NFIA: variants seen among roughly 807,000 people sequenced by gnomAD.
The protein encoded by NFIA is nuclear factor I A.
Under a neutral mutation model 62.8 loss-of-function variants are expected in NFIA, and 8 were observed. The observed-to-expected ratio is 0.13, with a 90% CI of 0.07 to 0.23. The LOEUF is 0.23. Among genes scored for constraint, NFIA ranks in the 10% least tolerant of loss-of-function variants. The pLI, the probability that NFIA is intolerant of heterozygous loss-of-function variation, is 1.00. For missense variants in NFIA, 410 were observed against 642.1 expected (o/e 0.64, Z 3.91); for synonymous variants, 235 against 238.1 (o/e 0.99, Z 0.12).
chr1:61,204,384 A>G (rs940303780), intron 2 of NFIA, among the ~76,000 whole-genome samples: 1 of 152,258 alleles, frequency 6.6e-6, no homozygotes, highest in Admixed American at 6.5e-5. Flanking sequence ...TCTATAGAAT[A>G]TCTCATCCAT....
chr1:61,416,787 G>A (rs947229504), intron 9 of NFIA, among the ~76,000 whole-genome samples: 14 of 152,152 alleles, frequency 9.2e-5, no homozygotes, highest in East Asian at 1.9e-4. Context: ...AAGATGAAAC[G>A]GAGCAAAGGT....
rs147954656 is a variant in NFIA, at chr1:61,214,405, T to C, written c.560-63115T>C. Among the ~76,000 whole-genome samples the C allele has an allele frequency of 3.4e-4, 51 of 151,930 alleles. No homozygotes were observed. The East Asian group carries it at 4.7e-3, about 14-fold the overall frequency. On this transcript the variant is annotated intron_variant, in intron 2 of 10. Transcript: ENST00000403491. The stretch of plus-strand genomic sequence containing the variant: ...GAATCTCAATGATGGGAATTGGGAG[T>C]AGAAGGCAGAGAGTGGTGCTTGGCT...
chr1:61,375,065 A>C (rs1032421563), intron 6 of NFIA, among the ~76,000 whole-genome samples: 1 of 152,160 alleles, frequency 6.6e-6, no homozygotes, highest in African/African-American at 2.4e-5. Context: ...TAACCGTGGG[A>C]TTCTTCTGTT....
intron 2 of NFIA, among the ~76,000 whole-genome samples, chr1:61,110,957 G>A (rs1475977734): frequency 6.6e-6 from 1 of 152,092 alleles, no homozygotes; most frequent in Non-Finnish European, 1.5e-5. Flanking sequence ...AAACTTACAA[G>A]TTTGCAATCA....
intron 2 of NFIA, among the ~76,000 whole-genome samples, chr1:61,267,150 A>G (rs1267155261): frequency 2.0e-5 from 3 of 152,224 alleles, no homozygotes; most frequent in Non-Finnish European, 2.9e-5. Context: ...CTAATTCAGA[A>G]TAACATTCTG....
chr1:61,222,920 A>G (rs1389709596), intron 2 of NFIA, among the ~76,000 whole-genome samples: 1 of 152,040 alleles, frequency 6.6e-6, no homozygotes, highest in Non-Finnish European at 1.5e-5. Context: ...GGCTATACAA[A>G]TGTTTTTTCT....
chr1:61,354,357 G>A (rs1662714768), intron 5 of NFIA, among the ~76,000 whole-genome samples: 1 of 152,140 alleles, frequency 6.6e-6, no homozygotes, highest in South Asian at 2.1e-4. Context: ...GTTAGAAAGT[G>A]TGCCCAGAAG....
chr1:61,395,542 A>G (rs1394774025), intron 7 of NFIA, among the ~76,000 whole-genome samples: 1 of 151,988 alleles, frequency 6.6e-6, no homozygotes, highest in Non-Finnish European at 1.5e-5. Flanking sequence ...TTCATTCTTC[A>G]TTTAGTCTCA....
intron 2 of NFIA, among the ~76,000 whole-genome samples, chr1:61,230,402 A>G (rs1221093240): frequency 1.3e-5 from 2 of 152,198 alleles, no homozygotes; most frequent in Non-Finnish European, 2.9e-5. Flanking sequence ...ATTTCTGTCA[A>G]ATCATAACCT....
intron 3 of NFIA, among the ~76,000 whole-genome samples, chr1:61,306,511 G>A (rs546561871): frequency 2.0e-5 from 3 of 152,052 alleles, no homozygotes; most frequent in African/African-American, 7.2e-5. Context: ...CCTGACCTCA[G>A]ATGATCCACC....
chr1:61,306,294 T>TTA (rs748026405), intron 3 of NFIA, among the ~76,000 whole-genome samples: 3 of 109,704 alleles, frequency 2.7e-5, no homozygotes, highest in African/African-American at 7.2e-5. Context: ...TTTTTTTTTT[T>TTA]AAGACAGAGT....
intron 10 of NFIA, among the ~76,000 whole-genome samples, chr1:61,432,868 C>T (rs1012749487): frequency 6.6e-6 from 1 of 152,012 alleles, no homozygotes; most frequent in Non-Finnish European, 1.5e-5. Flanking sequence ...CTACAGCACC[C>T]GTGCATGCTA....
intron 10 of NFIA, among the ~76,000 whole-genome samples, chr1:61,441,901 G>A (rs1484979519): frequency 2.7e-5 from 4 of 150,080 alleles, no homozygotes; most frequent in African/African-American, 7.4e-5. Flanking sequence ...CCCTGTTAAC[G>A]TCATTGTTCC....
chr1:61,408,556 A>C (rs542348730), intron 9 of NFIA, among the ~76,000 whole-genome samples: 1 of 152,322 alleles, frequency 6.6e-6, no homozygotes, highest in African/African-American at 2.4e-5. Flanking sequence ...ACATTGCCAC[A>C]GTCTTTTAAA....
chr1:61,274,360 T>C (rs1231866205), intron 2 of NFIA, among the ~76,000 whole-genome samples: 1 of 152,176 alleles, frequency 6.6e-6, no homozygotes, highest in African/African-American at 2.4e-5. Flanking sequence ...AAAAAGCAAA[T>C]CCCTAGATAG....
chr1:61,326,651 C>T lies in NFIA; in HGVS notation c.626-5861C>T, dbSNP rs193248511. On this transcript the variant is annotated intron_variant, in intron 3 of 10. Coordinates refer to ENST00000403491, the MANE Select transcript of NFIA (RefSeq NM_001134673.4). ...AAAAAGACAAAGTTACAATCACGTA[C>T]GGCAGGTCCCAGGTGAGAAATATAG... is the stretch of plus-strand genomic sequence containing the variant. Among the ~76,000 whole-genome samples the T allele has an allele frequency of 2.1e-4, 32 of 152,198 alleles. No homozygotes were observed. The East Asian group carries it at 5.2e-3, about 25-fold the overall frequency.
intron 3 of NFIA, among the ~76,000 whole-genome samples, chr1:61,317,377 G>T (rs1323788698): frequency 6.6e-6 from 1 of 151,914 alleles, no homozygotes; most frequent in Non-Finnish European, 1.5e-5. Context: ...GGCCTCTATA[G>T]ATATTCAATA....
At chr1:61,429,556 T>C (rs957405199) in intron 10 of NFIA, among the ~76,000 whole-genome samples, 1 of 152,222 alleles carries the variant, frequency 6.6e-6, no homozygotes, top group Non-Finnish European at 1.5e-5. Flanking sequence ...CATTAAAATA[T>C]AATCTTTAGC....
intron 2 of NFIA, among the ~76,000 whole-genome samples, chr1:61,152,756 T>C (rs1648514284): frequency 6.6e-6 from 1 of 152,198 alleles, no homozygotes; most frequent in Admixed American, 6.5e-5. Flanking sequence ...ATTTGAGCTC[T>C]GCCTCCACTA....
Sources: gnomAD v4.1 joint callset for allele counts (sites outside exome capture counted in the v4.1 genomes callset) on GRCh38, gnomAD v4.1.1 for gene constraint, MANE v1.5 for transcripts, NCBI Gene and HGNC (gene_info 2026-07-23, HGNC 2026-07-21) for gene names.